Variants in CSPG4 observed in about 807,000 individuals in gnomAD.
The protein encoded by CSPG4 is chondroitin sulfate proteoglycan 4.
CSPG4 carries 74 observed loss-of-function variants against 139.3 expected under a neutral mutation model. The ratio of observed to expected loss-of-function variants is 0.53; its 90% CI spans 0.44 to 0.64. The LOEUF (loss-of-function observed/expected upper bound fraction) is 0.64, where lower values mean the gene tolerates loss of function less well. CSPG4 is among the 30% of genes least tolerant of loss of function. The pLI is 0.00. For missense variants in CSPG4, 2,565 were observed against 3,148.3 expected, an observed-to-expected ratio of 0.81 and a Z score of 4.43; for synonymous variants, 1,234 against 1,394.2, an observed-to-expected ratio of 0.89 and a Z score of 2.56.
chr15:75,691,161 C>T (rs1008383929), intron 2 of CSPG4, among the ~76,000 whole-genome samples: 5 of 152,034 alleles, frequency 3.3e-5, no homozygotes, highest in African/African-American at 1.2e-4. Context: ...GCAGCAAGAG[C>T]GAAACTCTGT....
At chr15:75,710,138 G>T (rs1198380380) in intron 1 of CSPG4, among the ~76,000 whole-genome samples, 1 of 152,096 alleles carries the variant, frequency 6.6e-6, no homozygotes, top group East Asian at 1.9e-4. Flanking sequence ...CCCCACCCAG[G>T]TAACACACAA....
Position 75,676,479 on chromosome 15 carries a change from AG to A in CSPG4, c.6039del (p.Phe2014SerfsTer25). ...FQIDQGEVVF[A>X]FTNFSSSHDH... ...TCATGAGAGGAGGAGAAGTTGGTGAAGGCAAAGACCACCTCGCCCTGGTCTA... is the reference window on the plus strand; with the variant it reads ...TCATGAGAGGAGGAGAAGTTGGTGAAGCAAAGACCACCTCGCCCTGGTCTA... On this transcript the variant is annotated frameshift_variant, in exon 10 of 10. Coordinates refer to ENST00000308508, the MANE Select transcript of CSPG4 (RefSeq NM_001897.5). LOFTEE classifies it high-confidence loss of function. 6.2e-7 allele frequency: 1 copy of A among 1,613,984 alleles called. No homozygotes were observed. Among genetic ancestry groups the A allele is most frequent in the South Asian group, 1.1e-5 (1 of 91,088 alleles).
rs772731131 is a variant in CSPG4 at position 75,675,819 on chromosome 15, G to A, written c.6700C>T (p.Leu2234=). 1.2e-5 allele frequency: 19 copies of A among 1,613,028 alleles called. No individual in the cohort carries two copies. The highest frequency in any genetic ancestry group is 1.4e-5 in the Non-Finnish European group (17 of 1,180,020). The change falls in exon 10 of 10, where the codon CTG becomes TTG. Residue 2234 remains leucine, a synonymous_variant. Transcript: ENST00000308508. ...AGGGGCAGGATGAGCGCCAGGAGCAGAAGTACCAGGCACATGGGGATGATG... is the reference window on the plus strand; with the variant it reads ...AGGGGCAGGATGAGCGCCAGGAGCAAAAGTACCAGGCACATGGGGATGATG... ...SVIIPMCLVL[L]LLALILPLLF... is the part of the protein sequence containing the mutation.
chr15:75,708,647 G>A (rs1596014989), intron 1 of CSPG4, among the ~76,000 whole-genome samples: 1 of 152,234 alleles, frequency 6.6e-6, no homozygotes, highest in East Asian at 1.9e-4. Context: ...CTGTTGGGGT[G>A]AGTGAGAACA....
In CSPG4 at chr15:75,682,773, C is replaced by T. The variant is rs1264161585; in HGVS notation, c.4649-32G>A. 17 of 1,608,454 alleles carry T rather than the reference C, an allele frequency of 1.1e-5. No individual in the cohort carries two copies. In the African/African-American group the frequency reaches 1.1e-4, roughly 10 times the overall value. On this transcript the variant is annotated intron_variant, in intron 6 of 9. Transcript: ENST00000308508. ...ACAGGGGCATTGGGTCCAGCTGGCCCGAGCCGGCTCCCCATCTCAGGGCAC... is the reference window on the plus strand; with the variant it reads ...ACAGGGGCATTGGGTCCAGCTGGCCTGAGCCGGCTCCCCATCTCAGGGCAC...
intron 8 of CSPG4, among the ~76,000 whole-genome samples, chr15:75,681,983 C>T (rs1194736464): frequency 6.6e-6 from 1 of 152,216 alleles, no homozygotes; most frequent in African/African-American, 2.4e-5. Context: ...CACATGGTGC[C>T]CCCTCTCCAG....
Position 75,675,922 on chromosome 15 carries a change from G to A in CSPG4, c.6597C>T (p.Gly2199=). 1 of 1,598,940 alleles carries A rather than the reference G, an allele frequency of 6.3e-7. No homozygotes were observed. ...PESSTPTGEP[G]PMASSPEPAV... ...CGGGCTCAGGGCTGGATGCCATGGGGCCTGGCTCGCCTGTGGGGGTGCTGC... is the reference window on the plus strand; with the variant it reads ...CGGGCTCAGGGCTGGATGCCATGGGACCTGGCTCGCCTGTGGGGGTGCTGC... Residue 2199 remains glycine (G), a synonymous_variant, in exon 10 of 10, where the codon GGC becomes GGT. Coordinates refer to ENST00000308508, the MANE Select transcript of CSPG4 (RefSeq NM_001897.5).
At chr15:75,712,089 G>A (rs1398988938) in intron 1 of CSPG4, among the ~76,000 whole-genome samples, 1 of 147,006 alleles carries the variant, frequency 6.8e-6, no homozygotes, top group Non-Finnish European at 1.5e-5. Context: ...AGAGAATGAA[G>A]AGGGGAGGTG....
In CSPG4 at chr15:75,675,789, A is replaced by G. The variant is rs746448463; in HGVS notation, c.6730T>C (p.Phe2244Leu). Residue 2244 changes from phenylalanine (F) to leucine (L), a missense_variant, in exon 10 of 10, where the codon TTC becomes CTC. Phe to Leu is a conservative substitution (Grantham distance 22). This residue lies in a region of CSPG4 where 2,316 missense variants were observed against 2,818.2 expected (regional missense o/e 0.82). Transcript: ENST00000308508. ...GTCTTGTTGCGTTTTCGGAGGTAGA[A>G]GAGCAGGGGCAGGATGAGCGCCAGG... ...LLLALILPLLFYLRKRNKTGK... is the reference protein window; with the variant it reads ...LLLALILPLLLYLRKRNKTGK... 1 of 1,613,528 alleles carries G rather than the reference A, an allele frequency of 6.2e-7. No homozygotes were observed. Among genetic ancestry groups the G allele is most frequent in the East Asian group, 2.2e-5 (1 of 44,870 alleles).
intron 1 of CSPG4, among the ~76,000 whole-genome samples, chr15:75,705,984 C>T (rs2141440414): frequency 6.6e-6 from 1 of 151,996 alleles, no homozygotes; most frequent in South Asian, 2.1e-4. Flanking sequence ...TCTGTGTGTG[C>T]CTGTGTGCGT....
In CSPG4 at chr15:75,689,783, A is replaced by T; in HGVS notation, c.1282T>A (p.Phe428Ile). The stretch of plus-strand genomic sequence containing the variant: ...GGGCTGATAGTCAGCAGCTGGGTGA[A>T]ATTGGCAAAGACAGGAGGCAGCCCT... ...EPGLPPVFAN[F>I]TQLLTISPLV... is the part of the protein sequence containing the mutation. Residue 428 changes from phenylalanine to isoleucine, a missense_variant, in exon 3 of 10, where the codon TTC (phenylalanine) becomes ATC (isoleucine). By Grantham distance (21) the Phe-to-Ile change is conservative (BLOSUM62 0). Coordinates refer to ENST00000308508, the MANE Select transcript of CSPG4 (RefSeq NM_001897.5). The T allele has an allele frequency of 6.2e-7, 1 of 1,612,572 alleles. No individual in the cohort carries two copies. Among genetic ancestry groups the T allele is most frequent in the Non-Finnish European group, 8.5e-7 (1 of 1,179,604 alleles).
At chr15:75,705,341 C>T (rs1366373481) in intron 1 of CSPG4, among the ~76,000 whole-genome samples, 2 of 152,240 alleles carry the variant, frequency 1.3e-5, no homozygotes, top group Non-Finnish European at 2.9e-5. Context: ...ACGGGGCCAC[C>T]TCCTCTAGGC....
intron 1 of CSPG4, among the ~76,000 whole-genome samples, chr15:75,708,623 G>A (rs1430899836): frequency 2.6e-5 from 4 of 152,212 alleles, no homozygotes; most frequent in South Asian, 2.1e-4. Flanking sequence ...GGCCTGATGT[G>A]GGGAAACTCG....
chr15:75,677,581 C>T (rs1893911929), intron 9 of CSPG4, 122 bp downstream of exon 9: 1 of 1,285,862 alleles, frequency 7.8e-7, no homozygotes, highest in Non-Finnish European at 1.1e-6. Flanking sequence ...CTCACCCTCC[C>T]TGTGACTTCC....
At position 75,682,685 on chromosome 15, in the gene CSPG4, C is replaced by CG. The variant is rs1893991039; in HGVS notation, c.4704dup (p.Gly1569ArgfsTer46). 2 of 1,613,012 alleles carry CG rather than the reference C, an allele frequency of 1.2e-6. No individual in the cohort carries two copies. Among genetic ancestry groups the CG allele is most frequent in the Non-Finnish European group, 1.7e-6 (2 of 1,180,018 alleles). ...TGGGCCGTCACTCGGAAGAAGTGTC[C>CG]GGGGGAAGTGTGCTCGCCGTCAGAG... On this transcript the variant is annotated frameshift_variant, in exon 7 of 10. Transcript: ENST00000308508. LOFTEE classifies it high-confidence loss of function.
At chr15:75,678,310 T>C (rs935925772) in intron 8 of CSPG4, among the ~76,000 whole-genome samples, 2 of 152,206 alleles carry the variant, frequency 1.3e-5, no homozygotes, top group African/African-American at 4.8e-5. Flanking sequence ...TATGCAACTA[T>C]GCTATTCTTT....
chr15:75,687,452 G>A lies in CSPG4; in HGVS notation c.3613C>T (p.Leu1205Phe), dbSNP rs1428636672. The A allele has an allele frequency of 1.2e-6, 2 of 1,612,634 alleles. No homozygotes were observed. The highest frequency in any genetic ancestry group is 1.1e-5 in the South Asian group (1 of 91,048). ...AAGGCCATGGTGTCGCGGGGGCTGA[G>A]GCTGCCATTGTGGCTATAGAGAACG... ...GAVLYSHNGS[L>F]SPRDTMAFSV... Residue 1205 changes from leucine (L) to phenylalanine (F), a missense_variant, in exon 3 of 10, where the codon CTC (leucine) becomes TTC (phenylalanine). Coordinates refer to ENST00000308508, the MANE Select transcript of CSPG4 (RefSeq NM_001897.5). The surrounding 1 kb of genome is among the most constrained non-coding windows in gnomAD (Gnocchi z 5.4).
In CSPG4 at chr15:75,690,832, G is replaced by T; in HGVS notation, c.253-20C>A. The stretch of plus-strand genomic sequence containing the variant: ...TCTGACCTGAAGAGAGATGGGGAGT[G>T]GGAGATAGTGGACAGCACTTTGGAT... On this transcript the variant is annotated intron_variant, in intron 2 of 9. Transcript: ENST00000308508. The T allele has an allele frequency of 6.3e-7, 1 of 1,587,872 alleles. No homozygotes were observed. Among genetic ancestry groups the T allele is most frequent in the Non-Finnish European group, 8.6e-7 (1 of 1,164,338 alleles).
chr15:75,692,024 C>T (rs1243586089), intron 2 of CSPG4, among the ~76,000 whole-genome samples: 1 of 152,186 alleles, frequency 6.6e-6, no homozygotes, highest in Non-Finnish European at 1.5e-5. Context: ...TCTTGTTGCC[C>T]AGGCTGAAGT....
Sources: allele counts gnomAD v4.1 joint callset (sites outside exome capture counted in the v4.1 genomes callset), GRCh38; gene constraint gnomAD v4.1.1; regional missense constraint gnomAD v4.1.1; non-coding constraint Gnocchi (gnomAD v3.1); transcripts MANE v1.5; gene names NCBI Gene and HGNC (gene_info 2026-07-23, HGNC 2026-07-21).